Variants in NRF1 observed in about 807,000 individuals in gnomAD.
NRF1 encodes the protein nuclear respiratory factor 1.
In NRF1, 5 loss-of-function variants were observed where a neutral mutation model predicts 58.5. The ratio of observed to expected loss-of-function variants is 0.09; its 90% CI spans 0.04 to 0.18. The LOEUF is 0.18. Among genes scored for constraint, NRF1 ranks in the 10% least tolerant of loss-of-function variants. NRF1 has a pLI of 1.00. For synonymous variants in NRF1, 224 were observed against 246.7 expected, an observed-to-expected ratio of 0.91 and a Z score of 0.86; for missense variants, 288 against 657.7, an observed-to-expected ratio of 0.44 and a Z score of 6.15.
At chr7:129,731,735 C>A (rs1053596592) in intron 10 of NRF1, among the ~76,000 whole-genome samples, 5 of 152,074 alleles carry the variant, frequency 3.3e-5, no homozygotes, top group African/African-American at 1.2e-4. Context: ...CCTACTGAGA[C>A]GCTGGGACCA....
intron 10 of NRF1, among the ~76,000 whole-genome samples, chr7:129,746,711 C>T (rs1330291860): frequency 6.6e-6 from 1 of 152,192 alleles, no homozygotes; most frequent in Non-Finnish European, 1.5e-5. Context: ...CCCATTTGGG[C>T]CAGTATTTCT....
intron 4 of NRF1, among the ~76,000 whole-genome samples, 163 bp from the exon 5 acceptor site, chr7:129,690,243 G>A (rs769693328): frequency 6.6e-6 from 1 of 152,126 alleles, no homozygotes; most frequent in Non-Finnish European, 1.5e-5. Flanking sequence ...TCAGTATGAT[G>A]TCTTTGGGAC....
At chr7:129,678,805 T>C (rs1341904204) in intron 4 of NRF1, among the ~76,000 whole-genome samples, 1 of 152,124 alleles carries the variant, frequency 6.6e-6, no homozygotes, top group Non-Finnish European at 1.5e-5. Context: ...TGAAAAAGAT[T>C]CATCTAGAAG....
At chr7:129,637,964 C>T (rs1179854115) in intron 1 of NRF1, among the ~76,000 whole-genome samples, 1 of 151,838 alleles carries the variant, frequency 6.6e-6, no homozygotes, top group East Asian at 1.9e-4. Flanking sequence ...CCTGGGGAAG[C>T]CAGAAGATTG....
At chr7:129,658,449 G>A (rs1039632037) in intron 2 of NRF1, among the ~76,000 whole-genome samples, 6 of 152,068 alleles carry the variant, frequency 3.9e-5, no homozygotes, top group Admixed American at 1.3e-4. Flanking sequence ...TTAGCTGGGT[G>A]TGGTGACGTG....
At chr7:129,703,298 A>G (rs1562976261) in intron 5 of NRF1, among the ~76,000 whole-genome samples, 2 of 152,162 alleles carry the variant, frequency 1.3e-5, no homozygotes, top group Admixed American at 6.5e-5. Context: ...GCTCAATTAA[A>G]GGACGGTCTG....
chr7:129,686,907 T>C (rs1802455240), intron 4 of NRF1, among the ~76,000 whole-genome samples: 2 of 152,260 alleles, frequency 1.3e-5, no homozygotes, highest in African/African-American at 4.8e-5. Flanking sequence ...GATGTGCTGT[T>C]ATTTGTGTAC....
At chr7:129,732,925 G>A (rs1200830466) in intron 10 of NRF1, among the ~76,000 whole-genome samples, 1 of 151,880 alleles carries the variant, frequency 6.6e-6, no homozygotes, top group African/African-American at 2.4e-5. Flanking sequence ...ACAAAAATTA[G>A]CCGGGCATGG....
At chr7:129,723,880 CA>C in intron 9 of NRF1, among the ~76,000 whole-genome samples, 1 of 152,116 alleles carries the variant, frequency 6.6e-6, no homozygotes, top group South Asian at 2.1e-4. Flanking sequence ...TATCTACATA[CA>C]AAAGAATGAA....
At chr7:129,673,063 G>T (rs1802086590) in intron 3 of NRF1, among the ~76,000 whole-genome samples, 1 of 152,110 alleles carries the variant, frequency 6.6e-6, no homozygotes, top group Non-Finnish European at 1.5e-5. Flanking sequence ...CTGGAAACCA[G>T]GTACAAAAAG....
intron 1 of NRF1, among the ~76,000 whole-genome samples, chr7:129,624,572 C>T (rs1313838063): frequency 6.6e-6 from 1 of 152,200 alleles, no homozygotes; most frequent in Non-Finnish European, 1.5e-5. Flanking sequence ...TCTTCTTGAA[C>T]ACATCCAGTG....
chr7:129,722,165 T>TG (rs1803342307), intron 9 of NRF1, among the ~76,000 whole-genome samples: 1 of 151,852 alleles, frequency 6.6e-6, no homozygotes, highest in African/African-American at 2.4e-5. Flanking sequence ...GAAGCCGAGG[T>TG]GGGTGAATCA....
chr7:129,719,543 C>CACACACACACACACACACACACACAA (rs1255895761), intron 9 of NRF1, among the ~76,000 whole-genome samples: 10 of 142,058 alleles, frequency 7.0e-5, no homozygotes, highest in African/African-American at 2.7e-4. Flanking sequence ...CACACACACA[C>CACACACACACACACACACACACACAA]AACACATCTT....
At chr7:129,652,952 G>A (rs1417052259) in intron 1 of NRF1, among the ~76,000 whole-genome samples, 6 of 152,148 alleles carry the variant, frequency 3.9e-5, no homozygotes, top group Non-Finnish European at 5.9e-5. Context: ...TAAAAAGTTA[G>A]TTGTAAAATA....
At chr7:129,743,360 C>T (rs1179432069) in intron 10 of NRF1, among the ~76,000 whole-genome samples, 4 of 152,198 alleles carry the variant, frequency 2.6e-5, no homozygotes, top group Admixed American at 6.5e-5. Flanking sequence ...TGTGAACACT[C>T]GGGCCAAGAG....
chr7:129,729,601 A>C (rs1339844963), intron 10 of NRF1, among the ~76,000 whole-genome samples: 1 of 152,216 alleles, frequency 6.6e-6, no homozygotes, highest in Non-Finnish European at 1.5e-5. Flanking sequence ...CAATCATTTC[A>C]TCTGCCCTTG....
At chr7:129,678,849 C>CA (rs895361748) in intron 4 of NRF1, among the ~76,000 whole-genome samples, 7 of 151,456 alleles carry the variant, frequency 4.6e-5, no homozygotes, top group Admixed American at 2.0e-4. Flanking sequence ...TTACTCACTG[C>CA]AAAAAAAACT....
At chr7:129,737,813 A>G (rs547465288) in intron 10 of NRF1, among the ~76,000 whole-genome samples, 1 of 152,360 alleles carries the variant, frequency 6.6e-6, no homozygotes, top group East Asian at 1.9e-4. Flanking sequence ...CATAAGCATA[A>G]TAGCCTTAAA....
At chr7:129,660,434 C>T (rs189088533) in intron 2 of NRF1, among the ~76,000 whole-genome samples, 3 of 150,964 alleles carry the variant, frequency 2.0e-5, no homozygotes, top group Admixed American at 1.3e-4. Flanking sequence ...GTCCCTCTGC[C>T]TATGAGCCTG....
Sources: gnomAD v4.1 joint callset for allele counts (sites outside exome capture counted in the v4.1 genomes callset) on GRCh38, gnomAD v4.1.1 for gene constraint, MANE v1.5 for transcripts, NCBI Gene and HGNC (gene_info 2026-07-23, HGNC 2026-07-21) for gene names.